IST1: variants seen among roughly 807,000 people sequenced by gnomAD.
IST1 encodes the protein IST1 homolog.
In IST1, 23 loss-of-function variants were observed where a neutral mutation model predicts 37.0. The observed-to-expected ratio is 0.62, with a 90% CI of 0.45 to 0.88. The LOEUF is 0.88. IST1 is among the 40% of genes least tolerant of loss of function. The pLI is 0.00. For missense variants in IST1, 488 were observed against 445.4 expected (o/e 1.10, Z -0.86); for synonymous variants, 180 against 161.7 (o/e 1.11, Z -0.86).
chr16:71,903,699 C>T (rs939814966), intron 1 of IST1: 26 of 152,252 alleles, frequency 1.7e-4, no homozygotes, highest in Admixed American at 1.5e-3. Flanking sequence ...ATGCCTGGTC[C>T]TATTTAATTT....
rs745796482 is a variant in IST1 at position 71,916,614 on chromosome 16, G to T, written c.241G>T (p.Ala81Ser). 1.2e-6 allele frequency: 2 copies of T among 1,613,980 alleles called. No homozygotes were observed. The highest frequency in any genetic ancestry group is 1.1e-5 in the South Asian group (1 of 91,072). Residue 81 changes from alanine (A) to serine (S), a missense_variant, in exon 3 of 10, where the codon GCT (alanine) becomes TCT (serine). By Grantham distance (99) the Ala-to-Ser change is moderately conservative (BLOSUM62 1). Around this residue, in one of 2 missense-constraint regions of IST1, gnomAD observed 455 missense variants for 386.2 expected, o/e 1.18. Coordinates refer to ENST00000378799, the MANE Select transcript of IST1 (RefSeq NM_001270975.2). ...GGAGCTGTACTGTGACCTGCTGCTGGCTCGGTTTGGCCTTATCCAGTCTAT... is the reference window on the plus strand; with the variant it reads ...GGAGCTGTACTGTGACCTGCTGCTGTCTCGGTTTGGCCTTATCCAGTCTAT... The part of the protein sequence containing the change: ...ILELYCDLLL[A>S]RFGLIQSMKE...
chr16:71,922,656 C>G lies in IST1; in HGVS notation c.735C>G (p.Phe245Leu), dbSNP rs780790570. Residue 245 changes from phenylalanine (F) to leucine (L), a missense_variant, in exon 7 of 10, where the codon TTC becomes TTG. By Grantham distance (22) the Phe-to-Leu change is conservative. Transcript: ENST00000378799. ...CTATGCCATCTGCAAATACGCCTTT[C>G]TCATATCCACTGCCAAAGGGACCAG... is the stretch of plus-strand genomic sequence containing the variant. ...PMPMPSANTP[F>L]SYPLPKGPSD... 9.3e-6 allele frequency: 15 copies of G among 1,610,882 alleles called. No individual in the cohort carries two copies. Among genetic ancestry groups the G allele is most frequent in the Middle Eastern group, 1.6e-4 (1 of 6,080 alleles).
intron 2 of IST1, 35 bp downstream of exon 2, chr16:71,915,763 C>T: frequency 7.7e-7 from 1 of 1,296,822 alleles, no homozygotes; most frequent in Non-Finnish European, 1.1e-6. Flanking sequence ...AAAAATAAAT[C>T]ACTGGATACT....
chr16:71,924,518 G>T (rs916718065), intron 8 of IST1: 3 of 571,126 alleles, frequency 5.3e-6, no homozygotes, highest in Non-Finnish European at 9.4e-6. Flanking sequence ...TGGAGGCCAG[G>T]AAGTGGAGGC....
intron 2 of IST1, among the ~76,000 whole-genome samples, chr16:71,916,023 A>AT (rs1372605764): frequency 6.6e-6 from 1 of 151,710 alleles, no homozygotes; most frequent in Non-Finnish European, 1.5e-5. Context: ...TAGAGACGGG[A>AT]TTTCACCACG....
chr16:71,901,636 C>A (rs188842057), intron 1 of IST1, among the ~76,000 whole-genome samples: 1 of 152,102 alleles, frequency 6.6e-6, no homozygotes, highest in African/African-American at 2.4e-5. Context: ...TTAGTTTCTT[C>A]GTAAAATGGG....
intron 4 of IST1, among the ~76,000 whole-genome samples, chr16:71,917,577 G>A (rs1261276722): frequency 6.6e-6 from 1 of 152,220 alleles, no homozygotes; most frequent in East Asian, 1.9e-4. Context: ...GTAGCTTAGA[G>A]TCTAGCAGAA....
intron 2 of IST1, 97 bp downstream of exon 2, chr16:71,915,825 A>G: frequency 1.4e-6 from 1 of 735,426 alleles, no homozygotes; most frequent in Non-Finnish European, 2.2e-6. Context: ...CTTAGGGATC[A>G]TATTTTTTTT....
intron 9 of IST1, among the ~76,000 whole-genome samples, chr16:71,925,495 T>G (rs893624912): frequency 4.0e-5 from 6 of 151,348 alleles, no homozygotes; most frequent in African/African-American, 1.5e-4. Flanking sequence ...TTTGTATTTT[T>G]AGTAGAGACA....
chr16:71,922,866 G>A, intron 7 of IST1, 186 bp downstream of exon 7: 1 of 615,656 alleles, frequency 1.6e-6, no homozygotes, highest in Non-Finnish European at 2.9e-6. Flanking sequence ...TAGTTCAGCT[G>A]TAGGAAAATC....
At position 71,916,560 on chromosome 16, in the gene IST1, G is replaced by T; in HGVS notation, c.187G>T (p.Asp63Tyr). The T allele has an allele frequency of 6.2e-7, 1 of 1,614,016 alleles. No homozygotes were observed. The highest frequency in any genetic ancestry group is 8.5e-7 in the Non-Finnish European group (1 of 1,179,880). ...RIRVEHIIREDYLVEAMEILE... is the reference protein window; with the variant it reads ...RIRVEHIIREYYLVEAMEILE... The stretch of plus-strand genomic sequence containing the variant: ...CCGTGTGGAGCACATTATCCGGGAA[G>T]ACTACCTCGTGGAGGCCATGGAGAT... Residue 63 changes from aspartate (D) to tyrosine (Y), a missense_variant, in exon 3 of 10, where the codon GAC becomes TAC. Physicochemically the swap from Asp to Tyr is radical, Grantham distance 160. Transcript: ENST00000378799.
intron 3 of IST1, 29 bp from the exon 4 acceptor site, chr16:71,917,018 A>G: frequency 2.1e-6 from 3 of 1,436,242 alleles, no homozygotes; most frequent in Admixed American, 3.7e-5. Context: ...GTTTTAAAGA[A>G]TGTTATATTA....
chr16:71,922,441 G>A, intron 6 of IST1, 33 bp from the exon 7 acceptor site: 1 of 1,588,082 alleles, frequency 6.3e-7, no homozygotes, highest in East Asian at 2.2e-5. Flanking sequence ...CTTGGACATG[G>A]GTTAATGACC....
In IST1 at chr16:71,930,094, C is replaced by T. The variant is rs767359631; in HGVS notation, c.*2281C>T. ...CTTTTCCAAAGGCCATGAGAATGGC[C>T]GAAACGAAAAGATTAATTACCACAA... On this transcript the variant is annotated 3_prime_UTR_variant, in exon 10 of 10. Transcript: ENST00000378799. 27 of 1,550,888 alleles carry T rather than the reference C, an allele frequency of 1.7e-5. No homozygotes were observed. Among genetic ancestry groups the T allele is most frequent in the East Asian group, 1.7e-4 (7 of 40,924 alleles).
chr16:71,905,434 G>A (rs572730922), intron 1 of IST1, among the ~76,000 whole-genome samples: 2 of 150,950 alleles, frequency 1.3e-5, no homozygotes, highest in South Asian at 4.2e-4. Flanking sequence ...GCTGGAGTGC[G>A]ATGGCACCAT....
chr16:71,905,040 T>C (rs2037191328), intron 1 of IST1, among the ~76,000 whole-genome samples: 1 of 152,004 alleles, frequency 6.6e-6, no homozygotes, highest in Non-Finnish European at 1.5e-5. Flanking sequence ...AGTATTTTTG[T>C]TTTTTTGTTT....
chr16:71,895,380 C>G (rs1377790630), upstream of IST1: 1 of 308,260 alleles, frequency 3.2e-6, no homozygotes, highest in African/African-American at 2.3e-5. Flanking sequence ...CGCGCCGACT[C>G]CAAAGGAAAC....
chr16:71,922,933 A>G (rs1359750652), intron 7 of IST1: 17 of 561,366 alleles, frequency 3.0e-5, no homozygotes, highest in Middle Eastern at 4.8e-4. Context: ...TATCTTTGGG[A>G]TCTGTTATAG....
At chr16:71,912,764 C>A (rs2037386186) in intron 1 of IST1, among the ~76,000 whole-genome samples, 1 of 152,136 alleles carries the variant, frequency 6.6e-6, no homozygotes, top group South Asian at 2.1e-4. Flanking sequence ...TCCCTGTTTC[C>A]CCCTACTCCC....
Sources: gnomAD v4.1 joint callset for allele counts (sites outside exome capture counted in the v4.1 genomes callset) on GRCh38, gnomAD v4.1.1 for gene constraint, gnomAD v4.1.1 regional missense constraint, MANE v1.5 for transcripts, NCBI Gene and HGNC (gene_info 2026-07-23, HGNC 2026-07-21) for gene names.